COL6A5: variants seen among roughly 807,000 people sequenced by gnomAD.
COL6A5 encodes the protein collagen alpha-5(VI) chain.
A neutral mutation model predicts 65.6 loss-of-function variants in COL6A5; 48 were observed. The ratio of observed to expected loss-of-function variants is 0.73; its 90% confidence interval spans 0.58 to 0.93. The LOEUF is 0.93. COL6A5 is among the 40% of genes least tolerant of loss of function. The pLI is 0.00. For synonymous variants in COL6A5, 291 were observed against 322.8 expected, an observed-to-expected ratio of 0.90 and a Z score of 1.05; for missense variants, 914 against 928.3, an observed-to-expected ratio of 0.98 and a Z score of 0.20.
intron 22 of COL6A5, among the ~76,000 whole-genome samples, chr3:130,415,411 C>T (rs1271260109): frequency 2.0e-5 from 3 of 152,148 alleles, no homozygotes; most frequent in Non-Finnish European, 4.4e-5. Context: ...TTTATTTCCT[C>T]TGTAGAAGAG....
intron 1 of COL6A5, among the ~76,000 whole-genome samples, chr3:130,349,365 C>G (rs1934619713): frequency 1.3e-5 from 2 of 152,130 alleles, no homozygotes; most frequent in Admixed American, 6.6e-5. Context: ...ACTCTTTGAG[C>G]CTTAGTTTCT....
intron 7 of COL6A5, among the ~76,000 whole-genome samples, chr3:130,475,134 C>T (rs1019740741): frequency 6.6e-6 from 1 of 150,684 alleles, no homozygotes; most frequent in Non-Finnish European, 1.5e-5. Context: ...GCGAACAGAA[C>T]CTTGGAGGCT....
chr3:130,358,052 G>A (rs890686034), intron 1 of COL6A5, among the ~76,000 whole-genome samples: 1 of 152,010 alleles, frequency 6.6e-6, no homozygotes, highest in Non-Finnish European at 1.5e-5. Flanking sequence ...AGCCGGGCGT[G>A]GTGGCGGGCG....
chr3:130,379,961 C>T, exon 4 of COL6A5: 1 of 1,551,236 alleles, frequency 6.4e-7, no homozygotes, highest in Non-Finnish European at 8.7e-7. Context: ...GACTTAGAAA[C>T]TTACAGTACA....
At chr3:130,450,553 T>C (rs1039094134) in intron 4 of COL6A5, among the ~76,000 whole-genome samples, 6 of 152,148 alleles carry the variant, frequency 3.9e-5, no homozygotes, top group African/African-American at 1.2e-4. Flanking sequence ...CTTTAATATA[T>C]GCAGGCAAAA....
intron 1 of COL6A5, among the ~76,000 whole-genome samples, chr3:130,438,247 G>A (rs377512194): frequency 6.6e-6 from 1 of 152,088 alleles, no homozygotes; most frequent in South Asian, 2.1e-4. Context: ...CACCTGCCTT[G>A]GCCTCCCAAA....
At chr3:130,389,358 T>C (rs1936314008) in intron 6 of COL6A5, among the ~76,000 whole-genome samples, 1 of 152,106 alleles carries the variant, frequency 6.6e-6, no homozygotes, top group Admixed American at 6.6e-5. Context: ...TGACTTCAAA[T>C]ATGTTCCAAA....
chr3:130,433,487 A>G (rs1459842482), intron 1 of COL6A5, among the ~76,000 whole-genome samples: 1 of 152,138 alleles, frequency 6.6e-6, no homozygotes, highest in Non-Finnish European at 1.5e-5. Context: ...CCAGATAATA[A>G]CCCCACACAG....
chr3:130,383,839 GA>G (rs1936089752), intron 4 of COL6A5, among the ~76,000 whole-genome samples: 1 of 152,010 alleles, frequency 6.6e-6, no homozygotes, highest in Non-Finnish European at 1.5e-5. Flanking sequence ...ACAAAGGAAG[GA>G]ACATTGAGAA....
chr3:130,368,195 G>C (rs139585262), intron 1 of COL6A5, among the ~76,000 whole-genome samples: 1 of 152,146 alleles, frequency 6.6e-6, no homozygotes, highest in South Asian at 2.1e-4. Context: ...GCTCCAATAT[G>C]GTGTTCAGCT....
intron 4 of COL6A5, among the ~76,000 whole-genome samples, chr3:130,383,339 G>A (rs975275611): frequency 1.4e-4 from 22 of 151,910 alleles, no homozygotes; most frequent in Non-Finnish European, 2.8e-4. Context: ...CTAGTGGCTC[G>A]TGTATTGGAT....
intron 1 of COL6A5, among the ~76,000 whole-genome samples, chr3:130,436,838 C>T (rs1709046750): frequency 6.6e-6 from 1 of 152,134 alleles, no homozygotes; most frequent in Non-Finnish European, 1.5e-5. Context: ...TAGCCCTCTT[C>T]TCTATCCTTA....
At chr3:130,409,955 G>A in intron 18 of COL6A5, 54 bp from the exon 19 acceptor site, 1 of 1,262,186 alleles carries the variant, frequency 7.9e-7, no homozygotes, top group Non-Finnish European at 1.1e-6. Context: ...TACCGTTTTG[G>A]GGAAAAAGCT....
intron 1 of COL6A5, among the ~76,000 whole-genome samples, chr3:130,432,882 C>G (rs572262146): frequency 6.6e-6 from 1 of 152,258 alleles, no homozygotes; most frequent in South Asian, 2.1e-4. Flanking sequence ...GGGATCAGTG[C>G]TCCCCTTCCC....
rs552598267 is a variant in COL6A5, at chr3:130,406,437, A to G, written c.4479+116A>G. On this transcript the variant is annotated intron_variant and NMD_transcript_variant, in intron 17 of 41. Transcript: ENST00000312481. Reference sequence around the variant, plus strand: ...AATTTACAACTGACTTAACCACATAATGAAGGCCTATTGCTACTGAATGTA... The same window carrying G: ...AATTTACAACTGACTTAACCACATAGTGAAGGCCTATTGCTACTGAATGTA... The G allele has an allele frequency of 8.1e-6, 6 of 739,216 alleles. No individual in the cohort carries two copies. The South Asian group carries it at 8.7e-5, about 11-fold the overall frequency. The allele number at this position is 739,216 out of a possible 1,614,324, so 45.8% of individuals were successfully genotyped here. A position where few individuals can be genotyped will look rare whatever the true frequency, so the allele number is the denominator to read the frequency against.
chr3:130,434,593 C>G (rs992697543), intron 1 of COL6A5, among the ~76,000 whole-genome samples: 1 of 152,190 alleles, frequency 6.6e-6, no homozygotes, highest in African/African-American at 2.4e-5. Flanking sequence ...GCCTTGCCAG[C>G]ATCTATTGTT....
At chr3:130,382,975 G>C (rs1936058840) in intron 4 of COL6A5, among the ~76,000 whole-genome samples, 1 of 151,994 alleles carries the variant, frequency 6.6e-6, no homozygotes, top group Admixed American at 6.6e-5. Context: ...AACTCTGCTT[G>C]GGGTGGTGGA....
Position 130,397,935 on chromosome 3 carries a change from A to T in COL6A5, c.3909+12A>T. On this transcript the variant is annotated intron_variant and NMD_transcript_variant, in intron 9 of 41. Transcript: ENST00000312481. The stretch of plus-strand genomic sequence containing the variant: ...CATCCCGGGGCCAGGTATCCATATT[A>T]CATTCTATCTCCCATCTCCACATTC... 1 of 1,548,618 alleles carries T rather than the reference A, an allele frequency of 6.5e-7. No homozygotes were observed. Among genetic ancestry groups the T allele is most frequent in the Non-Finnish European group, 8.7e-7 (1 of 1,144,342 alleles).
chr3:130,371,737 CA>C (rs113856343), intron 1 of COL6A5, among the ~76,000 whole-genome samples: 37 of 152,204 alleles, frequency 2.4e-4, no homozygotes, highest in African/African-American at 8.7e-4. Flanking sequence ...AGAAAACATA[CA>C]AGTAACTCTT....
Sources: gnomAD v4.1 joint callset for allele counts (sites outside exome capture counted in the v4.1 genomes callset) on GRCh38, gnomAD v4.1.1 for gene constraint, MANE v1.5 for transcripts, NCBI Gene and HGNC (gene_info 2026-07-23, HGNC 2026-07-21) for gene names.